MGAT5B: variants seen among roughly 807,000 people sequenced by gnomAD.
MGAT5B encodes the protein alpha-1,6-mannosylglycoprotein 6-beta-N-acetylglucosaminyltransferase B.
MGAT5B carries 54 observed loss-of-function variants against 95.1 expected under a neutral mutation model. The ratio of observed to expected loss-of-function variants is 0.57; its 90% CI spans 0.46 to 0.71. The LOEUF (loss-of-function observed/expected upper bound fraction) is 0.71, where lower values mean the gene tolerates loss of function less well. Ranked by LOEUF, MGAT5B falls within the 30% of genes least tolerant of loss-of-function variation. The pLI is 0.00. For missense variants in MGAT5B, 935 were observed against 1,088.6 expected, an observed-to-expected ratio of 0.86 and a Z score of 1.99; for synonymous variants, 464 against 451.0, an observed-to-expected ratio of 1.03 and a Z score of -0.36.
intron 3 of MGAT5B, among the ~76,000 whole-genome samples, chr17:76,901,809 G>A (rs984725700): frequency 7.9e-5 from 12 of 152,260 alleles, no homozygotes; most frequent in African/African-American, 2.9e-4. Context: ...GCCCGGCTGT[G>A]CCTAGGAAAA....
chr17:76,912,993 A>G lies in MGAT5B; in HGVS notation c.1025+6806A>G, dbSNP rs1968798828. ...TCAAGCATCATTAATAGTACATGGC[A>G]TGAGAAAACATTACTGAGCTCTTTC... On this transcript the variant is annotated intron_variant, in intron 8 of 17. Transcript: ENST00000569840. This position sits in a 1 kb window ranked among gnomAD's most constrained non-coding sequence, Gnocchi z 5.0. Among the ~76,000 whole-genome samples, 1 of 152,232 alleles carries G rather than the reference A, an allele frequency of 6.6e-6. No individual in the cohort carries two copies. The highest frequency in any genetic ancestry group is 1.5e-5 in the Non-Finnish European group (1 of 68,034).
chr17:76,939,029 G>GGGGGGGGGTGTGT (rs1237086611), intron 13 of MGAT5B, among the ~76,000 whole-genome samples: 7 of 128,256 alleles, frequency 5.5e-5, no homozygotes, highest in African/African-American at 2.2e-4. Context: ...GCATCTTGGG[G>GGGGGGGGGTGTGT]GTGTGTGTGT....
chr17:76,898,659 A>G (rs916237360), intron 3 of MGAT5B, among the ~76,000 whole-genome samples: 1 of 152,128 alleles, frequency 6.6e-6, no homozygotes, highest in South Asian at 2.1e-4. Context: ...AGATTCGTCT[A>G]TGTCATTGCA....
At chr17:76,948,496 AAC>A (rs1970105280) in intron 17 of MGAT5B, 142 bp from the exon 18 acceptor site, 1 of 910,932 alleles carries the variant, frequency 1.1e-6, no homozygotes, top group Non-Finnish European at 1.6e-6. Flanking sequence ...AAGGAGCCGT[AAC>A]ACATTTCCTT....
At chr17:76,879,494 T>C (rs979520741) in intron 2 of MGAT5B, among the ~76,000 whole-genome samples, 4 of 152,218 alleles carry the variant, frequency 2.6e-5, no homozygotes, top group Non-Finnish European at 4.4e-5. Flanking sequence ...AAGGGACTAC[T>C]CCAGCCCGAG....
rs549999675 is a variant in MGAT5B at position 76,948,279 on chromosome 17, GC to G, written c.2180+195del. Reference sequence around the variant, plus strand: ...CCAGGTCATTGCTGCCCTACTCTTGGCCAAACCCTAAACTACCAGGGAAAGC... The same window carrying G: ...CCAGGTCATTGCTGCCCTACTCTTGGCAAACCCTAAACTACCAGGGAAAGC... On this transcript the variant is annotated intron_variant, in intron 17 of 17. Coordinates refer to ENST00000569840, the MANE Select transcript of MGAT5B (RefSeq NM_001199172.2). Among the ~76,000 whole-genome samples, 333 of 152,270 alleles carry G rather than the reference GC, an allele frequency of 2.2e-3. 1 individual carries two copies. Among genetic ancestry groups the G allele is most frequent in the Middle Eastern group, 0.01 (3 of 294 alleles).
chr17:76,909,625 G>A (rs1968660184), intron 8 of MGAT5B, among the ~76,000 whole-genome samples: 1 of 152,204 alleles, frequency 6.6e-6, no homozygotes, highest in Non-Finnish European at 1.5e-5. Context: ...CCAGTCTTGG[G>A]CAGCTACTCA....
At chr17:76,883,725 C>A (rs115131098) in intron 3 of MGAT5B, among the ~76,000 whole-genome samples, 1 of 152,224 alleles carries the variant, frequency 6.6e-6, no homozygotes, top group Non-Finnish European at 1.5e-5. Context: ...AAGCTTGAAA[C>A]GCACTTTTAG....
In MGAT5B at chr17:76,905,262, A is replaced by G. The variant is rs779991652; in HGVS notation, c.784A>G (p.Thr262Ala). The G allele has an allele frequency of 1.5e-5, 24 of 1,612,514 alleles. No individual in the cohort carries two copies. Residue 262 changes from threonine (T) to alanine (A), a missense_variant, in exon 7 of 18, where the codon ACA becomes GCA. By Grantham distance (58) the Thr-to-Ala change is moderately conservative. Coordinates refer to ENST00000569840, the MANE Select transcript of MGAT5B (RefSeq NM_001199172.2). The surrounding 1 kb of genome is among the most constrained non-coding windows in gnomAD (Gnocchi z 4.2). Reference sequence around the variant, plus strand: ...CATGAAGAAGCGGACCAAGAGGCTCACAGCCCAGTGGGCGCTGGCTGCCCA... The same window carrying G: ...CATGAAGAAGCGGACCAAGAGGCTCGCAGCCCAGTGGGCGCTGGCTGCCCA... ...IFMKKRTKRL[T>A]AQWALAAQRL...
Position 76,940,862 on chromosome 17 carries a change from C to G in MGAT5B, c.1848+14C>G. On this transcript the variant is annotated intron_variant, in intron 15 of 17. Transcript: ENST00000569840. The surrounding 1 kb of genome is among the most constrained non-coding windows in gnomAD (Gnocchi z 4.3). ...ATGAGAACTCAGGTGAGAGCAGCCA[C>G]ATACAGTTGAGACCCCCCACTAGTC... The G allele has an allele frequency of 6.2e-7, 1 of 1,600,270 alleles. No individual in the cohort carries two copies. The highest frequency in any genetic ancestry group is 8.6e-7 in the Non-Finnish European group (1 of 1,167,600).
At chr17:76,892,891 G>A (rs1193131149) in intron 3 of MGAT5B, among the ~76,000 whole-genome samples, 7 of 152,256 alleles carry the variant, frequency 4.6e-5, no homozygotes, top group Non-Finnish European at 7.4e-5. Flanking sequence ...ATGTCCCACC[G>A]TCAATCACAG....
At chr17:76,896,875 G>T (rs1029294493) in intron 3 of MGAT5B, among the ~76,000 whole-genome samples, 10 of 152,138 alleles carry the variant, frequency 6.6e-5, no homozygotes, top group Admixed American at 6.5e-4. Flanking sequence ...TTGCTGAAAA[G>T]AACTTCTTGA....
Position 76,926,501 on chromosome 17 carries a change from C to T in MGAT5B, c.1158-96C>T, listed in dbSNP as rs559165419. 46 of 1,261,166 alleles carry T rather than the reference C, an allele frequency of 3.6e-5. No homozygotes were observed. In the South Asian group the frequency reaches 6.2e-4, roughly 17 times the overall value. The allele number at this position is 1,261,166 out of a possible 1,614,324, so 78.1% of individuals were successfully genotyped here. A position where few individuals can be genotyped will look rare whatever the true frequency, so the allele number is the denominator to read the frequency against. ...ACACACTGTGCTACTCTGACTCCAC[C>T]ACTGGCTGGTGACAGTGCTCGTGGC... On this transcript the variant is annotated intron_variant, in intron 9 of 17. Transcript: ENST00000569840.
chr17:76,937,550 A>G (rs1050237162), intron 12 of MGAT5B, among the ~76,000 whole-genome samples: 1 of 151,644 alleles, frequency 6.6e-6, no homozygotes, highest in African/African-American at 2.4e-5. Context: ...GCATGGATGG[A>G]TGGTGGGTGC....
chr17:76,905,978 C>T lies in MGAT5B; in HGVS notation c.856-40C>T. On this transcript the variant is annotated intron_variant, in intron 7 of 17. Transcript: ENST00000569840. This position sits in a 1 kb window ranked among gnomAD's most constrained non-coding sequence, Gnocchi z 4.2. ...CCCGGGGGGGCGGGGCTCAGAGCTG[C>T]TGCTCCTCTCTGCTGACCCTCTGTG... is the stretch of plus-strand genomic sequence containing the variant. The T allele has an allele frequency of 6.5e-7, 1 of 1,543,364 alleles. No individual in the cohort carries two copies.
intron 3 of MGAT5B, among the ~76,000 whole-genome samples, chr17:76,891,402 C>T (rs1380912481): frequency 1.3e-5 from 2 of 152,104 alleles, no homozygotes; most frequent in Non-Finnish European, 2.9e-5. Context: ...TTTCTGGAGA[C>T]GGGGTCTCCC....
At chr17:76,875,628 T>C (rs1371135548) in intron 2 of MGAT5B, among the ~76,000 whole-genome samples, 1 of 150,262 alleles carries the variant, frequency 6.7e-6, no homozygotes, top group African/African-American at 2.4e-5. Flanking sequence ...ACTCACTATC[T>C]TGTATGCGGT....
rs1391580814 is a variant in MGAT5B at position 76,915,109 on chromosome 17, C to T, written c.1025+8922C>T. 6.6e-6 allele frequency among the ~76,000 whole-genome samples: 1 copy of T among 152,196 alleles called. No homozygotes were observed. The highest frequency in any genetic ancestry group is 2.4e-5 in the African/African-American group (1 of 41,440). ...CAGCGGCCACAGTTCAGCCCACGAT[C>T]AAAGGTGTGCTTGTTTATTTTTCGA... On this transcript the variant is annotated intron_variant, in intron 8 of 17. Transcript: ENST00000569840. The surrounding 1 kb of genome is among the most constrained non-coding windows in gnomAD (Gnocchi z 8.7).
At chr17:76,925,136 G>T (rs201151643) in intron 9 of MGAT5B, 39 bp downstream of exon 9, 58 of 1,608,512 alleles carry the variant, frequency 3.6e-5, no homozygotes, top group Middle Eastern at 1.7e-4. Context: ...TGGCCCACAT[G>T]CCAGGGGAGA....
Sources: gnomAD v4.1 joint callset for allele counts (sites outside exome capture counted in the v4.1 genomes callset) on GRCh38, gnomAD v4.1.1 for gene constraint, Gnocchi (gnomAD v3.1) non-coding constraint, MANE v1.5 for transcripts, NCBI Gene and HGNC (gene_info 2026-07-23, HGNC 2026-07-21) for gene names.